The following CCDC149 variants were observed in gnomAD, a reference collection of about 807,000 sequenced individuals.
The protein encoded by CCDC149 is coiled-coil domain containing 149.
In CCDC149, 45 loss-of-function variants were observed where a neutral mutation model predicts 59.9. The ratio of observed to expected loss-of-function variants is 0.75; its 90% CI spans 0.59 to 0.96. The LOEUF (loss-of-function observed/expected upper bound fraction) is 0.96, where lower values mean the gene tolerates loss of function less well. CCDC149 is among the 40% of genes least tolerant of loss of function. The pLI is 0.00. For missense variants in CCDC149, 584 were observed against 664.7 expected, an observed-to-expected ratio of 0.88 and a Z score of 1.33; for synonymous variants, 245 against 260.6, an observed-to-expected ratio of 0.94 and a Z score of 0.58.
intron 2 of CCDC149, among the ~76,000 whole-genome samples, 200 bp downstream of exon 2, chr4:24,876,336 C>T (rs113636234): frequency 8.2e-6 from 1 of 122,586 alleles, no homozygotes; most frequent in African/African-American, 4.1e-5. Context: ...CACACACACA[C>T]ACACAGAGAG....
chr4:24,940,621 A>C (rs1722924639), intron 1 of CCDC149, among the ~76,000 whole-genome samples: 1 of 152,224 alleles, frequency 6.6e-6, no homozygotes, highest in Non-Finnish European at 1.5e-5. Context: ...AAGAGTCAAG[A>C]CCCATCAGTG....
chr4:24,816,777 GA>G (rs1294621994), intron 12 of CCDC149, among the ~76,000 whole-genome samples: 2 of 152,012 alleles, frequency 1.3e-5, no homozygotes, highest in Non-Finnish European at 2.9e-5. Context: ...AGTGTGGAAA[GA>G]AAAAAATATT....
chr4:24,963,040 T>A, intron 1 of CCDC149, among the ~76,000 whole-genome samples: 2 of 146,806 alleles, frequency 1.4e-5, no homozygotes, highest in Admixed American at 6.7e-5. Context: ...GAGAAAGAGG[T>A]GGACTAACAC....
At chr4:24,930,927 A>T (rs2109341793) in intron 1 of CCDC149, among the ~76,000 whole-genome samples, 1 of 152,272 alleles carries the variant, frequency 6.6e-6, no homozygotes, top group African/African-American at 2.4e-5. Context: ...TCATACCTAA[A>T]ATTATAGAAG....
At chr4:24,941,532 G>A (rs2109348667) in intron 1 of CCDC149, among the ~76,000 whole-genome samples, 1 of 152,204 alleles carries the variant, frequency 6.6e-6, no homozygotes, top group Non-Finnish European at 1.5e-5. Context: ...CAGAAGGCAA[G>A]AAATAACTAA....
intron 3 of CCDC149, among the ~76,000 whole-genome samples, chr4:24,856,124 G>A (rs1228252102): frequency 2.0e-5 from 3 of 149,456 alleles, no homozygotes; most frequent in African/African-American, 7.4e-5. Context: ...CTACTCCAAC[G>A]CTCAGTGAAC....
At chr4:24,914,755 T>C (rs1472451285), upstream of CCDC149, among the ~76,000 whole-genome samples, 3 of 152,156 alleles carry the variant, frequency 2.0e-5, no homozygotes, top group African/African-American at 7.2e-5. Flanking sequence ...TATCAACAGG[T>C]AACTGAAATG....
chr4:24,843,868 T>A (rs1717093471), intron 4 of CCDC149, among the ~76,000 whole-genome samples: 1 of 152,166 alleles, frequency 6.6e-6, no homozygotes, highest in South Asian at 2.1e-4. Context: ...ACCTGCCTCC[T>A]GACCCCATTT....
chr4:24,971,579 C>T (rs749434306), intron 1 of CCDC149, among the ~76,000 whole-genome samples: 7 of 152,312 alleles, frequency 4.6e-5, no homozygotes, highest in South Asian at 2.1e-4. Context: ...ACGTTCGGCT[C>T]GCTCCTGCCC....
intron 1 of CCDC149, among the ~76,000 whole-genome samples, chr4:24,975,019 T>C (rs941372116): frequency 6.6e-6 from 1 of 152,130 alleles, no homozygotes; most frequent in African/African-American, 2.4e-5. Flanking sequence ...GGTTTCCTTC[T>C]TTGTTAATGG....
intron 3 of CCDC149, among the ~76,000 whole-genome samples, chr4:24,853,493 C>G (rs1423141807): frequency 1.3e-5 from 2 of 149,904 alleles, no homozygotes; most frequent in African/African-American, 2.5e-5. Context: ...GAGGCTGAGG[C>G]AGGAGAATTG....
intron 9 of CCDC149, chr4:24,829,840 G>A (rs1716018893): frequency 6.6e-6 from 1 of 152,360 alleles, no homozygotes; most frequent in Non-Finnish European, 1.5e-5. Context: ...AATACATTTA[G>A]ACAGGGTGGC....
chr4:24,867,787 G>T (rs976292137), intron 3 of CCDC149, among the ~76,000 whole-genome samples: 12 of 152,300 alleles, frequency 7.9e-5, no homozygotes, highest in Middle Eastern at 3.4e-3. Flanking sequence ...ATCCAACAAG[G>T]GGCGATCATT....
chr4:24,814,343 G>C (rs1379722251), intron 12 of CCDC149, among the ~76,000 whole-genome samples: 1 of 152,194 alleles, frequency 6.6e-6, no homozygotes, highest in Non-Finnish European at 1.5e-5. Flanking sequence ...CAAATGTATA[G>C]ATGTGTGAAT....
chr4:24,916,849 A>G (rs990384119), upstream of CCDC149, among the ~76,000 whole-genome samples: 7 of 149,128 alleles, frequency 4.7e-5, no homozygotes, highest in Admixed American at 4.0e-4. Flanking sequence ...AATTAGCTCT[A>G]TATGAGCCAG....
At chr4:24,814,635 G>A (rs895083552) in intron 12 of CCDC149, among the ~76,000 whole-genome samples, 1 of 152,192 alleles carries the variant, frequency 6.6e-6, no homozygotes, top group Admixed American at 6.5e-5. Flanking sequence ...GGTGATGTGG[G>A]TGCACACTTC....
intron 1 of CCDC149, among the ~76,000 whole-genome samples, chr4:24,931,155 T>C (rs956111033): frequency 1.3e-5 from 2 of 151,284 alleles, no homozygotes; most frequent in African/African-American, 4.8e-5. Flanking sequence ...TTTAGGCTGT[T>C]CCACCATGAT....
At chr4:24,847,277 A>G (rs576165276) in intron 4 of CCDC149, among the ~76,000 whole-genome samples, 1 of 152,324 alleles carries the variant, frequency 6.6e-6, no homozygotes, top group South Asian at 2.1e-4. Flanking sequence ...TAAAGACAAC[A>G]GCAACACTTA....
intron 7 of CCDC149, among the ~76,000 whole-genome samples, chr4:24,836,067 A>G (rs1716018509): frequency 6.6e-6 from 1 of 152,238 alleles, no homozygotes; most frequent in African/African-American, 2.4e-5. Context: ...CGACAGAAAT[A>G]GCATCTGATG....
Sources: gnomAD v4.1 joint callset for allele counts (sites outside exome capture counted in the v4.1 genomes callset) on GRCh38, gnomAD v4.1.1 for gene constraint, MANE v1.5 for transcripts, NCBI Gene and HGNC (gene_info 2026-07-23, HGNC 2026-07-21) for gene names.